The following QTGAL variants were observed in gnomAD, a reference collection of about 807,000 sequenced individuals.
QTGAL encodes the protein queuosine-tRNA galactosyltransferase.
At chr17:82,994,593 G>T in the QTGAL span, among the ~76,000 whole-genome samples, 32 of 152,106 alleles carry the variant, frequency 2.1e-4, no homozygotes, top group African/African-American at 7.7e-4. Context: ...GGACCCAATG[G>T]CTTCACTGCT....
chr17:83,031,849 A>G, the QTGAL span, among the ~76,000 whole-genome samples: 201 of 152,374 alleles, frequency 1.3e-3, 4 homozygotes, highest in Admixed American at 0.012. Flanking sequence ...TACTGGATCC[A>G]GAGTGAGTTT....
chr17:83,041,084 T>A, the QTGAL span, among the ~76,000 whole-genome samples: 559 of 121,474 alleles, frequency 4.6e-3, 6 homozygotes, highest in African/African-American at 0.016. Context: ...AAAAAAAAAA[T>A]GGCTGAAAAA....
the QTGAL span, among the ~76,000 whole-genome samples, chr17:83,046,837 C>T: frequency 6.6e-6 from 1 of 152,208 alleles, no homozygotes; most frequent in African/African-American, 2.4e-5. Context: ...CACTGCCTGA[C>T]AAACAGACAC....
At chr17:83,001,733 T>C in the QTGAL span, among the ~76,000 whole-genome samples, 1 of 151,228 alleles carries the variant, frequency 6.6e-6, no homozygotes, top group Admixed American at 6.6e-5. Context: ...TTGCTTGACT[T>C]TATGAAACAG....
the QTGAL span, among the ~76,000 whole-genome samples, chr17:82,960,071 C>G: frequency 6.6e-6 from 1 of 152,202 alleles, no homozygotes; most frequent in South Asian, 2.1e-4. Flanking sequence ...GTCAGGGACA[C>G]GTCACCGCAT....
At chr17:83,013,696 G>A in the QTGAL span, among the ~76,000 whole-genome samples, 73 of 152,044 alleles carry the variant, frequency 4.8e-4, no homozygotes, top group East Asian at 0.012. Flanking sequence ...TGCCCACGAC[G>A]CACAGCCCCG....
At chr17:82,952,540 A>G in the QTGAL span, among the ~76,000 whole-genome samples, 35 of 152,366 alleles carry the variant, frequency 2.3e-4, no homozygotes, top group African/African-American at 7.2e-4. Flanking sequence ...CACCTAATAC[A>G]GGAGCACCCA....
the QTGAL span, among the ~76,000 whole-genome samples, chr17:82,990,006 C>T: frequency 6.6e-6 from 1 of 152,192 alleles, no homozygotes; most frequent in Non-Finnish European, 1.5e-5. Context: ...TAAGACATGG[C>T]TTCCTTGGAG....
At chr17:83,019,641 G>A in the QTGAL span, among the ~76,000 whole-genome samples, 6 of 152,300 alleles carry the variant, frequency 3.9e-5, no homozygotes, top group East Asian at 9.6e-4. Context: ...TGTACTTCAC[G>A]CCACTGAATT....
chr17:82,942,363 C>A, the QTGAL span: 1 of 1,591,304 alleles, frequency 6.3e-7, no homozygotes, highest in Non-Finnish European at 8.6e-7. Flanking sequence ...AGTCCCCACA[C>A]AGGGCCCAGA....
At chr17:82,942,154 T>C in the QTGAL span, 1 of 544,106 alleles carries the variant, frequency 1.8e-6, no homozygotes, top group African/African-American at 1.9e-5. Flanking sequence ...TGGAATTAAA[T>C]GTGCTTTTTA....
At chr17:83,032,403 CA>C in the QTGAL span, among the ~76,000 whole-genome samples, 20 of 103,144 alleles carry the variant, frequency 1.9e-4, no homozygotes, top group African/African-American at 4.3e-4. Context: ...GCTGAACAAC[CA>C]GGTCAGACCA....
chr17:82,977,751 G>A, the QTGAL span, among the ~76,000 whole-genome samples: 2 of 152,074 alleles, frequency 1.3e-5, no homozygotes, highest in Non-Finnish European at 2.9e-5. Context: ...ACGCCCGAGA[G>A]GAGAAGCCGG....
the QTGAL span, chr17:82,945,202 C>G: frequency 1.3e-5 from 2 of 152,182 alleles, no homozygotes; most frequent in Non-Finnish European, 2.9e-5. Context: ...TTAGACACAG[C>G]TGAAGAGAGA....
the QTGAL span, among the ~76,000 whole-genome samples, chr17:83,025,748 A>G: frequency 6.6e-6 from 1 of 152,248 alleles, no homozygotes; most frequent in East Asian, 1.9e-4. Flanking sequence ...TCACAGAGAC[A>G]CAGTAACTAA....
At chr17:83,037,654 T>C in the QTGAL span, among the ~76,000 whole-genome samples, 1 of 152,206 alleles carries the variant, frequency 6.6e-6, no homozygotes, top group African/African-American at 2.4e-5. The surrounding 1 kb of genome is among the most constrained non-coding windows in gnomAD (Gnocchi z 5.2). Context: ...CGGAGGCACC[T>C]GTGAGGACGA....
At chr17:82,969,987 A>T in the QTGAL span, among the ~76,000 whole-genome samples, 11 of 150,510 alleles carry the variant, frequency 7.3e-5, no homozygotes, top group Non-Finnish European at 1.3e-4. Flanking sequence ...GCCAAAAATT[A>T]AAAAAAAAAG....
the QTGAL span, chr17:83,006,360 TTTG>T: frequency 7.1e-5 from 70 of 985,412 alleles, no homozygotes; most frequent in African/African-American, 4.0e-4. This position sits in a 1 kb window ranked among gnomAD's most constrained non-coding sequence, Gnocchi z 5.8. Context: ...TCTGTTTGCA[TTTG>T]TTGTTGTTGT....
the QTGAL span, among the ~76,000 whole-genome samples, chr17:82,970,208 A>G: frequency 6.8e-4 from 103 of 152,326 alleles, no homozygotes; most frequent in East Asian, 8.3e-3. Flanking sequence ...CCAAGGCCAC[A>G]GCACCTGGTG....
Sources: allele counts gnomAD v4.1 joint callset (sites outside exome capture counted in the v4.1 genomes callset), GRCh38; gene constraint gnomAD v4.1.1; non-coding constraint Gnocchi (gnomAD v3.1); transcripts MANE v1.5; gene names NCBI Gene and HGNC (gene_info 2026-07-23, HGNC 2026-07-21).